The following C4orf33 variants were observed in gnomAD, a reference collection of about 807,000 sequenced individuals.
C4orf33 encodes the protein chromosome 4 open reading frame 33, also known as UPF0462 protein C4orf33.
A neutral mutation model predicts 24.3 loss-of-function variants in C4orf33; 20 were observed. The observed-to-expected ratio is 0.82, with a 90% CI of 0.58 to 1.19. C4orf33 has a LOEUF of 1.19. Ranked by LOEUF, C4orf33 falls within the 50% of genes most tolerant of loss-of-function variation. The pLI, the probability that C4orf33 is intolerant of heterozygous loss-of-function variation, is 0.00. For missense variants in C4orf33, 207 were observed against 225.9 expected, an observed-to-expected ratio of 0.92 and a Z score of 0.54; for synonymous variants, 67 against 76.4, an observed-to-expected ratio of 0.88 and a Z score of 0.64.
At chr4:129,099,758 G>T (rs1477806012) in intron 1 of C4orf33, among the ~76,000 whole-genome samples, 3 of 152,100 alleles carry the variant, frequency 2.0e-5, no homozygotes, top group Non-Finnish European at 4.4e-5. Flanking sequence ...GGTTGTGGGG[G>T]TTAAATCTCA....
intron 3 of C4orf33, among the ~76,000 whole-genome samples, chr4:129,108,561 T>C (rs766290081): frequency 1.3e-5 from 2 of 152,218 alleles, no homozygotes; most frequent in Admixed American, 6.5e-5. Context: ...ATTTTCCTAA[T>C]GAGCTACCAG....
At chr4:129,102,379 A>G (rs1753381451) in intron 1 of C4orf33, among the ~76,000 whole-genome samples, 1 of 152,234 alleles carries the variant, frequency 6.6e-6, no homozygotes, top group African/African-American at 2.4e-5. Context: ...TGTTAAATCT[A>G]GAAGTTTTAA....
At chr4:129,103,016 ATTTTTT>A (rs11383422) in intron 2 of C4orf33, 6 of 176,268 alleles carry the variant, frequency 3.4e-5, no homozygotes, top group Non-Finnish European at 5.2e-5. Flanking sequence ...ACAAATCCAG[ATTTTTT>A]TTTTTTTTTT....
chr4:129,115,801 A>AATATATAT lies in C4orf33; in HGVS notation c.*4032_*4039dup, dbSNP rs55749910. The AATATATAT allele has an allele frequency of 5.1e-3, 458 of 90,180 alleles. 5 individuals are homozygous for AATATATAT. Among genetic ancestry groups the AATATATAT allele is most frequent in the African/African-American group, 0.015 (352 of 23,318 alleles). 5.6% of individuals were successfully genotyped at this position (90,180 alleles called of 1,614,324 possible). ...ATGTGCCTAACAAATCTTCTAACTA[A>AATATATAT]ATATATATATATATATATATATATA... On this transcript the variant is annotated 3_prime_UTR_variant, in exon 6 of 6. Transcript: ENST00000425929.
rs759508018 is a variant in C4orf33 at position 129,109,636 on chromosome 4, C to G, written c.458C>G (p.Pro153Arg). 6.2e-7 allele frequency: 1 copy of G among 1,613,910 alleles called. No individual in the cohort carries two copies. Among genetic ancestry groups the G allele is most frequent in the East Asian group, 2.2e-5 (1 of 44,862 alleles). ...KRSYEALYPV[P>R]QHELQQGQKP... ...AGTTATGAAGCTCTTTACCCTGTAC[C>G]TCAGCATGAACTGCAGCAAGGACAA... is the stretch of plus-strand genomic sequence containing the variant. The change falls in exon 5 of 6, where the codon CCT (proline) becomes CGT (arginine). Residue 153 changes from proline (P) to arginine (R), a missense_variant. Coordinates refer to ENST00000425929, the MANE Select transcript of C4orf33 (RefSeq NM_001099783.2).
chr4:129,095,403 A>G (rs1482964326), upstream of C4orf33, among the ~76,000 whole-genome samples: 1 of 152,184 alleles, frequency 6.6e-6, no homozygotes, highest in African/African-American at 2.4e-5. Flanking sequence ...AGTTGATTAA[A>G]TATCTGATGG....
intron 3 of C4orf33, among the ~76,000 whole-genome samples, chr4:129,108,306 T>G (rs116157208): frequency 6.6e-6 from 1 of 152,180 alleles, no homozygotes; most frequent in South Asian, 2.1e-4. Context: ...TGAATTTGCT[T>G]CATGTAAATA....
intron 1 of C4orf33, among the ~76,000 whole-genome samples, chr4:129,097,355 A>G (rs1235218540): frequency 1.3e-5 from 2 of 152,228 alleles, no homozygotes; most frequent in Admixed American, 6.5e-5. Flanking sequence ...CCCTTCAGGG[A>G]AGCAACCACT....
chr4:129,105,794 T>G (rs893961418), intron 2 of C4orf33, among the ~76,000 whole-genome samples: 1 of 152,166 alleles, frequency 6.6e-6, no homozygotes, highest in Non-Finnish European at 1.5e-5. Context: ...GAAAGATGTA[T>G]ATGTTCAAAA....
Position 129,098,649 on chromosome 4 carries a change from A to G in C4orf33, c.-10+2440A>G, listed in dbSNP as rs180952696. ...CTAAAGCAAGTTTATCAGAGCAACA[A>G]ACTACAGGAAAATGGCTGCTCCATA... On this transcript the variant is annotated intron_variant, in intron 1 of 5. Transcript: ENST00000425929. Among the ~76,000 whole-genome samples the G allele has an allele frequency of 5.6e-4, 85 of 152,366 alleles. No homozygotes were observed. The Middle Eastern group carries it at 0.031, about 55-fold the overall frequency.
intron 3 of C4orf33, among the ~76,000 whole-genome samples, chr4:129,108,417 A>T (rs1210379334): frequency 6.6e-6 from 1 of 152,128 alleles, no homozygotes; most frequent in Non-Finnish European, 1.5e-5. Flanking sequence ...TGAAAACATG[A>T]TGCTGAATGA....
chr4:129,102,564 T>C (rs371855635), intron 1 of C4orf33, 38 bp from the exon 2 acceptor site: 95 of 1,421,612 alleles, frequency 6.7e-5, no homozygotes, highest in Non-Finnish European at 2.1e-5. Context: ...AACATTTGTA[T>C]ATTGTTAAAG....
rs1753730479 is a variant in C4orf33, at chr4:129,113,572, GAAT to G, written c.*1782_*1784del. ...TAAATGCATTTCTTTGCTGTGATTTGAATTGTTCACTGCAGTGTCAAGCAGATT... is the reference window on the plus strand; with the variant it reads ...TAAATGCATTTCTTTGCTGTGATTTGTGTTCACTGCAGTGTCAAGCAGATT... On this transcript the variant is annotated 3_prime_UTR_variant, in exon 6 of 6. Transcript: ENST00000425929. 1 of 137,212 alleles carries G rather than the reference GAAT, an allele frequency of 7.3e-6. No homozygotes were observed. The highest frequency in any genetic ancestry group is 1.6e-5 in the Non-Finnish European group (1 of 62,308). 8.5% of individuals were successfully genotyped at this position (137,212 alleles called of 1,614,324 possible). A position where few individuals can be genotyped will look rare whatever the true frequency, so the allele number is the denominator to read the frequency against.
intron 4 of C4orf33, 40 bp downstream of exon 4, chr4:129,109,398 C>T (rs1175536707): frequency 6.3e-7 from 1 of 1,582,374 alleles, no homozygotes; most frequent in South Asian, 1.1e-5. Flanking sequence ...ATTACGTACA[C>T]AGTAATACAC....
intron 1 of C4orf33, 34 bp from the exon 2 acceptor site, chr4:129,102,568 G>T: frequency 6.8e-7 from 1 of 1,463,654 alleles, no homozygotes; most frequent in Non-Finnish European, 9.4e-7. Context: ...TTTGTATATT[G>T]TTAAAGAGTT....
intron 1 of C4orf33, among the ~76,000 whole-genome samples, chr4:129,099,047 T>A (rs750437162): frequency 6.6e-6 from 1 of 152,248 alleles, no homozygotes; most frequent in Non-Finnish European, 1.5e-5. Context: ...GGGACCTTGG[T>A]GCTCAGAAAA....
intron 1 of C4orf33, among the ~76,000 whole-genome samples, chr4:129,098,130 G>A (rs1178143856): frequency 6.6e-6 from 1 of 151,900 alleles, no homozygotes; most frequent in Non-Finnish European, 1.5e-5. Context: ...TTGGGAAGGA[G>A]GTTTTTGCTT....
At chr4:129,108,232 T>G (rs1753573994) in intron 3 of C4orf33, among the ~76,000 whole-genome samples, 1 of 152,160 alleles carries the variant, frequency 6.6e-6, no homozygotes, top group African/African-American at 2.4e-5. Context: ...AAATCCTCCC[T>G]GAAAAGCTCT....
Position 129,116,596 on chromosome 4 carries a change from A to T in C4orf33, c.*4805A>T, listed in dbSNP as rs1046256382. 1 of 152,232 alleles carries T rather than the reference A, an allele frequency of 6.6e-6. No homozygotes were observed. Among genetic ancestry groups the T allele is most frequent in the African/African-American group, 2.4e-5 (1 of 41,462 alleles). 9.4% of individuals were successfully genotyped at this position (152,232 alleles called of 1,614,324 possible). A position where few individuals can be genotyped will look rare whatever the true frequency, so the allele number is the denominator to read the frequency against. ...AATAGAAAACCAAACTGTAAATTGA[A>T]GTCTGAGCATTCAGAGAAATAAAAA... On this transcript the variant is annotated 3_prime_UTR_variant, in exon 6 of 6. Coordinates refer to ENST00000425929, the MANE Select transcript of C4orf33 (RefSeq NM_001099783.2).
Sources: allele counts gnomAD v4.1 joint callset (sites outside exome capture counted in the v4.1 genomes callset), GRCh38; gene constraint gnomAD v4.1.1; transcripts MANE v1.5; gene names NCBI Gene and HGNC (gene_info 2026-07-23, HGNC 2026-07-21).